The following ZC2HC1B variants were observed in gnomAD, a reference collection of about 807,000 sequenced individuals.
ZC2HC1B encodes zinc finger C2HC domain-containing protein 1B.
Under a neutral mutation model 31.0 loss-of-function variants are expected in ZC2HC1B, and 36 were observed. That is an observed-to-expected ratio of 1.16 (90% CI 0.89 to 1.54). The LOEUF (loss-of-function observed/expected upper bound fraction) is 1.54, where lower values mean the gene tolerates loss of function less well. Among genes scored for constraint, ZC2HC1B ranks in the 40% most tolerant of loss-of-function variants. The pLI, the probability that ZC2HC1B is intolerant of heterozygous loss-of-function variation, is 0.00. For synonymous variants in ZC2HC1B, 73 were observed against 88.0 expected (o/e 0.83, Z 0.95); for missense variants, 260 against 268.6 (o/e 0.97, Z 0.22).
chr6:143,937,557 T>A, intron 6 of ZC2HC1B, 92 bp from the exon 7 acceptor site: 1 of 1,178,250 alleles, frequency 8.5e-7, no homozygotes, highest in Middle Eastern at 2.2e-4. Flanking sequence ...AATAGAAACT[T>A]TTGAACCCAT....
intron 1 of ZC2HC1B, among the ~76,000 whole-genome samples, chr6:143,875,237 G>A (rs1777391175): frequency 6.6e-6 from 1 of 152,176 alleles, no homozygotes; most frequent in Non-Finnish European, 1.5e-5. Flanking sequence ...AGAGATGCAG[G>A]TGCTGCCCTC....
chr6:143,875,080 A>G (rs1166443256), intron 1 of ZC2HC1B, among the ~76,000 whole-genome samples: 1 of 152,056 alleles, frequency 6.6e-6, no homozygotes, highest in African/African-American at 2.4e-5. Context: ...TGATCTGCCC[A>G]CCTCAGCTTT....
intron 1 of ZC2HC1B, among the ~76,000 whole-genome samples, chr6:143,874,062 GT>G (rs1777378205): frequency 1.3e-5 from 2 of 152,146 alleles, no homozygotes; most frequent in Non-Finnish European, 2.9e-5. Context: ...CAGCACCCAA[GT>G]CACCTTTTGA....
chr6:143,865,908 C>T lies in ZC2HC1B; in HGVS notation c.28+1341C>T, dbSNP rs573035485. Among the ~76,000 whole-genome samples, 3 of 152,182 alleles carry T rather than the reference C, an allele frequency of 2.0e-5. No individual in the cohort carries two copies. Among genetic ancestry groups the T allele is most frequent in the African/African-American group, 4.8e-5 (2 of 41,442 alleles). On this transcript the variant is annotated intron_variant, in intron 1 of 7. Transcript: ENST00000237275. The surrounding 1 kb of genome is among the most constrained non-coding windows in gnomAD (Gnocchi z 4.4). The stretch of plus-strand genomic sequence containing the variant: ...TCATCTCACTGCAACCTCCAACTCC[C>T]GGGTTCAGGCGATTCCCCTGCCTCA...
intron 4 of ZC2HC1B, among the ~76,000 whole-genome samples, chr6:143,891,220 C>G (rs769527946): frequency 4.0e-5 from 6 of 151,148 alleles, no homozygotes; most frequent in Non-Finnish European, 7.4e-5. Flanking sequence ...TATGCAGAAC[C>G]TATAAAATGA....
chr6:143,925,855 T>C (rs1778034125), intron 6 of ZC2HC1B, among the ~76,000 whole-genome samples: 1 of 152,136 alleles, frequency 6.6e-6, no homozygotes, highest in African/African-American at 2.4e-5. Flanking sequence ...CTTAGTAGAT[T>C]GTATGTGTCC....
intron 6 of ZC2HC1B, among the ~76,000 whole-genome samples, chr6:143,907,501 T>C (rs1193339762): frequency 1.3e-5 from 2 of 152,252 alleles, no homozygotes; most frequent in African/African-American, 2.4e-5. Flanking sequence ...TATCTCATTG[T>C]GGTTTTGATT....
chr6:143,922,837 A>G lies in ZC2HC1B; in HGVS notation c.599-14812A>G, dbSNP rs879742304. The stretch of plus-strand genomic sequence containing the variant: ...AAGAGGATATGGGTATCCCTTTGAT[A>G]TACTGATTTCCTTTCCTTTGAATAA... On this transcript the variant is annotated intron_variant, in intron 6 of 7. Transcript: ENST00000237275. The surrounding 1 kb of genome is among the most constrained non-coding windows in gnomAD (Gnocchi z 5.0). Among the ~76,000 whole-genome samples, 2 of 152,150 alleles carry G rather than the reference A, an allele frequency of 1.3e-5. No individual in the cohort carries two copies. The highest frequency in any genetic ancestry group is 6.5e-5 in the Admixed American group (1 of 15,268).
In ZC2HC1B at chr6:143,934,931, G is replaced by C. The variant is rs1443785783; in HGVS notation, c.599-2718G>C. On this transcript the variant is annotated intron_variant, in intron 6 of 7. Transcript: ENST00000237275. The surrounding 1 kb of genome is among the most constrained non-coding windows in gnomAD (Gnocchi z 4.6). ...AGACCAATCTTTGGACCTCCAGATGGCTTGCTCAGGTGCCAGCAGTGGCGA... is the reference window on the plus strand; with the variant it reads ...AGACCAATCTTTGGACCTCCAGATGCCTTGCTCAGGTGCCAGCAGTGGCGA... Among the ~76,000 whole-genome samples the C allele has an allele frequency of 6.6e-6, 1 of 152,142 alleles. No homozygotes were observed. The highest frequency in any genetic ancestry group is 1.5e-5 in the Non-Finnish European group (1 of 68,020).
intron 6 of ZC2HC1B, among the ~76,000 whole-genome samples, chr6:143,936,942 C>G (rs1427076697): frequency 6.6e-6 from 1 of 152,176 alleles, no homozygotes; most frequent in Non-Finnish European, 1.5e-5. Flanking sequence ...ATTCCTATGT[C>G]CTTTGAGAGT....
chr6:143,872,180 G>A lies in ZC2HC1B; in HGVS notation c.28+7613G>A, dbSNP rs1777349081. Among the ~76,000 whole-genome samples the A allele has an allele frequency of 6.6e-6, 1 of 152,114 alleles. No individual in the cohort carries two copies. The highest frequency in any genetic ancestry group is 1.5e-5 in the Non-Finnish European group (1 of 68,012). ...GTGTAATGGAGTCCTTTTTCAAGGG[G>A]ACCCGGCCTCCCCTTCATTCAAGCA... On this transcript the variant is annotated intron_variant, in intron 1 of 7. Coordinates refer to ENST00000237275, the MANE Select transcript of ZC2HC1B (RefSeq NM_001013623.3). The surrounding 1 kb of genome is among the most constrained non-coding windows in gnomAD (Gnocchi z 5.5).
intron 6 of ZC2HC1B, among the ~76,000 whole-genome samples, chr6:143,916,585 A>T (rs1386739061): frequency 6.6e-6 from 1 of 152,240 alleles, no homozygotes; most frequent in African/African-American, 2.4e-5. Flanking sequence ...GAGGGGCTGT[A>T]TCCTACAAAG....
intron 6 of ZC2HC1B, among the ~76,000 whole-genome samples, chr6:143,936,726 A>G (rs1231898671): frequency 6.6e-6 from 1 of 152,200 alleles, no homozygotes; most frequent in East Asian, 1.9e-4. Flanking sequence ...AGTGGATTGC[A>G]TTTGTACAGC....
At chr6:143,873,818 A>G (rs556150805) in intron 1 of ZC2HC1B, among the ~76,000 whole-genome samples, 3 of 152,198 alleles carry the variant, frequency 2.0e-5, no homozygotes, top group Admixed American at 6.5e-5. Flanking sequence ...TTTTCCTCCT[A>G]GACCTCTGGG....
At chr6:143,931,886 G>A (rs558127451) in intron 6 of ZC2HC1B, among the ~76,000 whole-genome samples, 21 of 139,368 alleles carry the variant, frequency 1.5e-4, no homozygotes, top group African/African-American at 4.3e-4. Context: ...TTTTTTTAAC[G>A]GAGTTTCACT....
chr6:143,907,264 T>C (rs544796235), intron 6 of ZC2HC1B, among the ~76,000 whole-genome samples: 7 of 152,234 alleles, frequency 4.6e-5, no homozygotes, highest in Non-Finnish European at 1.0e-4. Context: ...ATCTTTATAA[T>C]AGAATAATTT....
intron 6 of ZC2HC1B, among the ~76,000 whole-genome samples, chr6:143,930,956 C>T (rs1286935854): frequency 6.6e-6 from 1 of 152,138 alleles, no homozygotes; most frequent in African/African-American, 2.4e-5. Context: ...CTGTTTGGTG[C>T]TGTCAGTAGA....
chr6:143,898,625 G>A lies in ZC2HC1B; in HGVS notation c.423G>A (p.Lys141=). ...CTGAGCGACATACTAATTTCTGCAA[G>A]GATCAGTCTTCTCGCCGAGTCTTTA... is the stretch of plus-strand genomic sequence containing the variant. ...SAAERHTNFC[K]DQSSRRVFNP... is the part of the protein sequence containing the mutation. Residue 141 remains lysine, a synonymous_variant, in exon 5 of 8, where the codon AAG becomes AAA. Transcript: ENST00000237275. 2 of 1,551,954 alleles carry A rather than the reference G, an allele frequency of 1.3e-6. No homozygotes were observed. Among genetic ancestry groups the A allele is most frequent in the Non-Finnish European group, 1.7e-6 (2 of 1,147,036 alleles).
intron 4 of ZC2HC1B, among the ~76,000 whole-genome samples, chr6:143,889,962 T>C (rs1330214319): frequency 6.6e-6 from 1 of 152,156 alleles, no homozygotes; most frequent in Non-Finnish European, 1.5e-5. Flanking sequence ...TAATATGTTC[T>C]CTGATCAGAA....
Sources: allele counts gnomAD v4.1 joint callset (sites outside exome capture counted in the v4.1 genomes callset), GRCh38; gene constraint gnomAD v4.1.1; non-coding constraint Gnocchi (gnomAD v3.1); transcripts MANE v1.5; gene names NCBI Gene and HGNC (gene_info 2026-07-23, HGNC 2026-07-21).